The following GPR158 variants were observed in gnomAD, a reference collection of about 807,000 sequenced individuals.
GPR158 encodes the protein metabotropic glycine receptor.
GPR158 carries 30 observed loss-of-function variants against 78.2 expected under a neutral mutation model. The observed-to-expected ratio is 0.38, with a 90% CI of 0.29 to 0.52. The LOEUF is 0.52. Ranked by LOEUF, GPR158 falls within the 20% of genes least tolerant of loss-of-function variation. The probability of loss-of-function intolerance (pLI) is 0.83; values close to 1 mark genes in which losing one functional copy is unlikely to be tolerated. For missense variants in GPR158, 1,463 were observed against 1,523.5 expected (o/e 0.96, Z 0.66); for synonymous variants, 581 against 591.1 (o/e 0.98, Z 0.25).
chr10:25,247,908 T>G (rs1359518420), intron 2 of GPR158, among the ~76,000 whole-genome samples: 2 of 148,304 alleles, frequency 1.3e-5, no homozygotes, highest in Non-Finnish European at 3.0e-5. Context: ...TCCACAATGG[T>G]TGAACTAGTT....
chr10:25,278,438 A>G (rs1001577410), intron 2 of GPR158, among the ~76,000 whole-genome samples: 7 of 152,152 alleles, frequency 4.6e-5, no homozygotes, highest in Admixed American at 1.3e-4. Context: ...ATTAAATAAT[A>G]AGTACTAACA....
chr10:25,572,271 G>C (rs983041300), intron 6 of GPR158, among the ~76,000 whole-genome samples: 1 of 152,140 alleles, frequency 6.6e-6, no homozygotes, highest in African/African-American at 2.4e-5. Context: ...ACTACTGGAA[G>C]ATAAACTAAG....
intron 2 of GPR158, among the ~76,000 whole-genome samples, chr10:25,319,865 T>C (rs34966230): frequency 0.13 from 19,454 of 148,630 alleles, 1,718 homozygotes; most frequent in Non-Finnish European, 0.19. Context: ...CTGTGTACTG[T>C]GGCAAATGAA....
chr10:25,451,671 T>A (rs1422253485), intron 4 of GPR158, among the ~76,000 whole-genome samples: 2 of 151,996 alleles, frequency 1.3e-5, no homozygotes, highest in South Asian at 2.1e-4. Flanking sequence ...GGCCATATAT[T>A]TTTTTTAACC....
At chr10:25,352,661 G>A (rs1295503462) in intron 2 of GPR158, among the ~76,000 whole-genome samples, 1 of 151,952 alleles carries the variant, frequency 6.6e-6, no homozygotes, top group African/African-American at 2.4e-5. Context: ...AGATGCTTGT[G>A]CCAGATTAAA....
chr10:25,447,714 A>T (rs946200477), intron 4 of GPR158, among the ~76,000 whole-genome samples: 2 of 152,220 alleles, frequency 1.3e-5, no homozygotes, highest in Non-Finnish European at 2.9e-5. Flanking sequence ...GGTGGCACTG[A>T]CTTCATATAT....
chr10:25,285,702 TG>T (rs1409252166), intron 2 of GPR158, among the ~76,000 whole-genome samples: 1 of 152,210 alleles, frequency 6.6e-6, no homozygotes, highest in Non-Finnish European at 1.5e-5. Flanking sequence ...TGGACTCACA[TG>T]CCAATCTTCT....
intron 2 of GPR158, among the ~76,000 whole-genome samples, chr10:25,345,229 C>G (rs1319334174): frequency 6.6e-6 from 1 of 151,976 alleles, no homozygotes; most frequent in Admixed American, 6.6e-5. Context: ...AAGGGACCCT[C>G]TTGCTGGTTC....
intron 5 of GPR158, among the ~76,000 whole-genome samples, chr10:25,478,159 A>G (rs1835614626): frequency 6.6e-6 from 1 of 152,188 alleles, no homozygotes; most frequent in African/African-American, 2.4e-5. Flanking sequence ...CTAACCAATA[A>G]TCTTCCTTTA....
intron 2 of GPR158, among the ~76,000 whole-genome samples, chr10:25,290,866 A>G (rs1169958430): frequency 6.6e-6 from 1 of 152,116 alleles, no homozygotes; most frequent in African/African-American, 2.4e-5. Context: ...AATGTACTCT[A>G]TGCCTTTGAT....
At chr10:25,248,387 C>A (rs2130717013) in intron 2 of GPR158, among the ~76,000 whole-genome samples, 2 of 152,156 alleles carry the variant, frequency 1.3e-5, no homozygotes, top group Middle Eastern at 3.4e-3. Flanking sequence ...ATGGTCCTTG[C>A]CCATGCCTAT....
chr10:25,381,801 A>G (rs2130565914), intron 2 of GPR158, among the ~76,000 whole-genome samples: 1 of 152,322 alleles, frequency 6.6e-6, no homozygotes, highest in Admixed American at 6.5e-5. Flanking sequence ...ACAACAATTT[A>G]TTTTAGCAAA....
rs1479181137 is a variant in GPR158 at position 25,241,272 on chromosome 10, CTTTCTTTCTTTCTTTTCTTTTCT to C, written c.1008+20123_1008+20145del. On this transcript the variant is annotated intron_variant, in intron 2 of 10. Transcript: ENST00000376351. The stretch of plus-strand genomic sequence containing the variant: ...TTCCTTTCTTTCCTTTCTTTCTTTC[CTTTCTTTCTTTCTTTTCTTTTCT>C]TTTCTTTTCTTTTCTTTTCTCTTCT... Among the ~76,000 whole-genome samples, 26 of 59,172 alleles carry C rather than the reference CTTTCTTTCTTTCTTTTCTTTTCT, an allele frequency of 4.4e-4. 1 individual carries two copies. The highest frequency in any genetic ancestry group is 1.3e-3 in the South Asian group (2 of 1,600). 38.8% of individuals were successfully genotyped at this position (59,172 alleles called of 152,430 possible).
At chr10:25,426,995 T>A (rs1369890659) in intron 4 of GPR158, among the ~76,000 whole-genome samples, 11 of 15,788 alleles carry the variant, frequency 7.0e-4, no homozygotes, top group Non-Finnish European at 4.0e-3. Context: ...GTTTTAATAT[T>A]TTTTTGCTAT....
chr10:25,419,121 C>G lies in GPR158; in HGVS notation c.1335+6648C>G, dbSNP rs533835645. On this transcript the variant is annotated intron_variant, in intron 4 of 10. Transcript: ENST00000376351. Reference sequence around the variant, plus strand: ...TTTTCAGAACTTTTTTTTATCATCACAAACCAAACTCTCTACCCATTATAC... The same window carrying G: ...TTTTCAGAACTTTTTTTTATCATCAGAAACCAAACTCTCTACCCATTATAC... 5.9e-5 allele frequency among the ~76,000 whole-genome samples: 9 copies of G among 151,994 alleles called. No homozygotes were observed. In the South Asian group the frequency reaches 1.9e-3, roughly 32 times the overall value.
At chr10:25,368,718 T>C (rs1588828950) in intron 2 of GPR158, among the ~76,000 whole-genome samples, 1 of 151,636 alleles carries the variant, frequency 6.6e-6, no homozygotes, top group South Asian at 2.1e-4. Flanking sequence ...AGAAAGTCAT[T>C]GGTAGCTTGA....
At chr10:25,432,066 TAA>T in intron 4 of GPR158, among the ~76,000 whole-genome samples, 1 of 152,046 alleles carries the variant, frequency 6.6e-6, no homozygotes, top group East Asian at 1.9e-4. Flanking sequence ...TTTAAACAAT[TAA>T]AAGGTAAATG....
intron 7 of GPR158, among the ~76,000 whole-genome samples, chr10:25,573,490 G>A (rs1588918689): frequency 1.3e-5 from 2 of 152,354 alleles, no homozygotes; most frequent in East Asian, 3.9e-4. Flanking sequence ...GGAGAACTTT[G>A]AAGAGCTGCA....
At chr10:25,470,321 C>G (rs182128291) in intron 5 of GPR158, among the ~76,000 whole-genome samples, 11 of 152,130 alleles carry the variant, frequency 7.2e-5, no homozygotes, top group Admixed American at 7.2e-4. Flanking sequence ...GTGTTTAGAG[C>G]CCTCATGTAT....
Sources: allele counts gnomAD v4.1 joint callset (sites outside exome capture counted in the v4.1 genomes callset), GRCh38; gene constraint gnomAD v4.1.1; transcripts MANE v1.5; gene names NCBI Gene and HGNC (gene_info 2026-07-23, HGNC 2026-07-21).